Variants in NEGR1 observed in about 807,000 individuals in gnomAD.
NEGR1 encodes the protein neuronal growth regulator 1, also known as IgLON family member 4.
In NEGR1, 10 loss-of-function variants were observed where a neutral mutation model predicts 40.9. The observed-to-expected ratio is 0.24, with a 90% CI of 0.15 to 0.42. The LOEUF (loss-of-function observed/expected upper bound fraction) is 0.42, where lower values mean the gene tolerates loss of function less well. NEGR1 is among the 10% of genes least tolerant of loss of function. NEGR1 has a pLI of 1.00. For missense variants in NEGR1, 352 were observed against 438.9 expected (o/e 0.80, Z 1.77); for synonymous variants, 185 against 166.8 (o/e 1.11, Z -0.84).
intron 3 of NEGR1, among the ~76,000 whole-genome samples, chr1:71,739,199 GA>G (rs776411417): frequency 0.02 from 1,296 of 63,622 alleles, 11 homozygotes; most frequent in African/African-American, 0.062. Context: ...AAGGCAGGCA[GA>G]AAAAAAAAAA....
chr1:72,234,185 T>C (rs937306261), intron 1 of NEGR1, among the ~76,000 whole-genome samples: 1 of 152,074 alleles, frequency 6.6e-6, no homozygotes, highest in Non-Finnish European at 1.5e-5. Context: ...CCTCCATGCG[T>C]TCATGTATTC....
At chr1:72,210,658 A>C (rs887552405) in intron 1 of NEGR1, among the ~76,000 whole-genome samples, 16 of 151,988 alleles carry the variant, frequency 1.1e-4, no homozygotes, top group South Asian at 2.1e-4. Context: ...TAGTTCTCAT[A>C]GTATTTTTAG....
At chr1:71,567,211 A>AT (rs1332309059) in intron 6 of NEGR1, among the ~76,000 whole-genome samples, 1 of 152,074 alleles carries the variant, frequency 6.6e-6, no homozygotes, top group Non-Finnish European at 1.5e-5. Context: ...GTGTGGTTTT[A>AT]TTTTTACCTC....
intron 6 of NEGR1, among the ~76,000 whole-genome samples, chr1:71,463,817 T>G (rs1307059312): frequency 6.6e-6 from 1 of 152,088 alleles, no homozygotes; most frequent in Admixed American, 6.6e-5. Flanking sequence ...AGCTACATAT[T>G]TTGTACAAAG....
intron 1 of NEGR1, among the ~76,000 whole-genome samples, chr1:72,148,700 T>C (rs990930001): frequency 6.6e-6 from 1 of 152,132 alleles, no homozygotes; most frequent in East Asian, 1.9e-4. Flanking sequence ...CAAGTTAAAG[T>C]TTCCACAAAT....
chr1:72,248,098 C>T lies in NEGR1; in HGVS notation c.176+34221G>A, dbSNP rs527553048. On this transcript the variant is annotated intron_variant, in intron 1 of 6. Coordinates refer to ENST00000357731, the MANE Select transcript of NEGR1 (RefSeq NM_173808.3). ...AGACAGCACCAAGCCATGAGGGATC[C>T]GCCTGCATGACCCAAACACCTCTCA... Among the ~76,000 whole-genome samples the T allele has an allele frequency of 4.6e-5, 7 of 152,186 alleles. No homozygotes were observed. In the East Asian group the frequency reaches 7.7e-4, roughly 17 times the overall value.
chr1:71,852,431 T>G lies in NEGR1; in HGVS notation c.410-76134A>C, dbSNP rs569062662. Among the ~76,000 whole-genome samples the G allele has an allele frequency of 2.6e-5, 4 of 152,270 alleles. No homozygotes were observed. In the South Asian group the frequency reaches 8.3e-4, roughly 32 times the overall value. On this transcript the variant is annotated intron_variant, in intron 2 of 6. Coordinates refer to ENST00000357731, the MANE Select transcript of NEGR1 (RefSeq NM_173808.3). ...ACATTAAAAAACCCATATTTCAATA[T>G]GAAAAATATGAAAACAATCAGCTAT...
At chr1:72,038,344 A>C (rs1017017439) in intron 1 of NEGR1, among the ~76,000 whole-genome samples, 10 of 152,068 alleles carry the variant, frequency 6.6e-5, no homozygotes, top group Non-Finnish European at 5.9e-5. Context: ...AAAGTTTAAC[A>C]TGTTTAAGCT....
chr1:71,548,580 T>C (rs1647975149), intron 6 of NEGR1, among the ~76,000 whole-genome samples: 1 of 151,746 alleles, frequency 6.6e-6, no homozygotes, highest in Admixed American at 6.6e-5. Flanking sequence ...TTCTTGACGT[T>C]TGAATCATGT....
intron 6 of NEGR1, 34 bp from the exon 7 acceptor site, chr1:71,407,604 T>G (rs759541179): frequency 1.9e-6 from 3 of 1,606,358 alleles, no homozygotes; most frequent in Non-Finnish European, 2.6e-6. Flanking sequence ...AATCAAAATC[T>G]AATTTGTGTC....
chr1:71,859,333 C>T (rs1342530350), intron 2 of NEGR1, among the ~76,000 whole-genome samples: 1 of 151,988 alleles, frequency 6.6e-6, no homozygotes, highest in Non-Finnish European at 1.5e-5. Context: ...ATGGCTTGCT[C>T]TCTCACCACC....
chr1:71,550,367 A>G (rs1648036018), intron 6 of NEGR1, among the ~76,000 whole-genome samples: 1 of 151,638 alleles, frequency 6.6e-6, no homozygotes, highest in African/African-American at 2.4e-5. Context: ...ATTAGGTCCC[A>G]GTGCTGCCAT....
chr1:71,697,480 T>A (rs1395117020), intron 4 of NEGR1, among the ~76,000 whole-genome samples: 1 of 151,804 alleles, frequency 6.6e-6, no homozygotes, highest in Non-Finnish European at 1.5e-5. Flanking sequence ...AGGTATCCAA[T>A]TTATATTCTA....
intron 4 of NEGR1, among the ~76,000 whole-genome samples, chr1:71,680,556 T>A (rs1652805386): frequency 6.6e-6 from 1 of 152,164 alleles, no homozygotes; most frequent in South Asian, 2.1e-4. Flanking sequence ...CTATTTTTAA[T>A]ATTAAAAGTA....
chr1:71,728,952 C>T (rs1654765298), intron 3 of NEGR1, among the ~76,000 whole-genome samples: 2 of 152,070 alleles, frequency 1.3e-5, no homozygotes, highest in Admixed American at 6.6e-5. Context: ...TGTGACAGTG[C>T]ATACCTACCA....
chr1:72,124,865 T>C (rs1258215616), intron 1 of NEGR1, among the ~76,000 whole-genome samples: 2 of 152,088 alleles, frequency 1.3e-5, no homozygotes, highest in African/African-American at 4.8e-5. Flanking sequence ...AATTACAAAG[T>C]CACCTATATG....
rs34356052 is a variant in NEGR1, at chr1:72,026,373, C to CTT, written c.177-91064_177-91063dup. Among the ~76,000 whole-genome samples, 927 of 143,650 alleles carry CTT rather than the reference C, an allele frequency of 6.5e-3. 9 individuals are homozygous for CTT. The highest frequency in any genetic ancestry group is 0.022 in the African/African-American group (859 of 39,550). The allele number at this position is 143,650 out of a possible 152,430, so 94.2% of individuals were successfully genotyped here. A position where few individuals can be genotyped will look rare whatever the true frequency, so the allele number is the denominator to read the frequency against. On this transcript the variant is annotated intron_variant, in intron 1 of 6. Transcript: ENST00000357731. The stretch of plus-strand genomic sequence containing the variant: ...ACCCTTGTCTCTACTTCCAAGCTAC[C>CTT]TTTTTTTTTTTTTCTCCAAAGGAGT...
intron 1 of NEGR1, among the ~76,000 whole-genome samples, chr1:72,055,620 A>T (rs1647103044): frequency 6.6e-6 from 1 of 150,932 alleles, no homozygotes; most frequent in Non-Finnish European, 1.5e-5. Flanking sequence ...TTATTTGGAA[A>T]ACGAGTGCTA....
intron 6 of NEGR1, among the ~76,000 whole-genome samples, chr1:71,431,207 T>C (rs546118858): frequency 1.3e-5 from 2 of 152,020 alleles, no homozygotes; most frequent in South Asian, 4.2e-4. Context: ...GAAAAGCAAG[T>C]AAAAATGTAT....
Sources: gnomAD v4.1 joint callset for allele counts (sites outside exome capture counted in the v4.1 genomes callset) on GRCh38, gnomAD v4.1.1 for gene constraint, MANE v1.5 for transcripts, NCBI Gene and HGNC (gene_info 2026-07-23, HGNC 2026-07-21) for gene names.